Variants in ITCH observed in about 807,000 individuals in gnomAD.
ITCH encodes the protein E3 ubiquitin-protein ligase Itchy homolog.
In ITCH, 28 loss-of-function variants were observed where a neutral mutation model predicts 126.8. The ratio of observed to expected loss-of-function variants is 0.22; its 90% CI spans 0.16 to 0.30. ITCH has a LOEUF of 0.30. Among genes scored for constraint, ITCH ranks in the 10% least tolerant of loss-of-function variants. The probability of loss-of-function intolerance (pLI) is 1.00; values close to 1 mark genes in which losing one functional copy is unlikely to be tolerated. For synonymous variants in ITCH, 342 were observed against 340.0 expected (o/e 1.01, Z -0.06); for missense variants, 631 against 1,032.4 (o/e 0.61, Z 5.33).
chr20:34,382,789 G>A (rs974702683), intron 2 of ITCH, among the ~76,000 whole-genome samples: 1 of 150,854 alleles, frequency 6.6e-6, no homozygotes, highest in African/African-American at 2.4e-5. Flanking sequence ...TGTAGCTCAG[G>A]CTGGAGTGCA....
chr20:34,460,094 C>T (rs1477588826), intron 13 of ITCH, among the ~76,000 whole-genome samples: 1 of 152,186 alleles, frequency 6.6e-6, no homozygotes, highest in African/African-American at 2.4e-5. Flanking sequence ...GCCTATCTTG[C>T]AAGTATAACA....
chr20:34,402,150 A>C lies in ITCH; in HGVS notation c.71-6501A>C. On this transcript the variant is annotated intron_variant, in intron 3 of 24. Transcript: ENST00000374864. The stretch of plus-strand genomic sequence containing the variant: ...GAAAGGGCTCTGGAGAGATGTTCCT[A>C]GCAGCACACATATGCAGCTCTTCTT... 4 of 1,114,174 alleles carry C rather than the reference A, an allele frequency of 3.6e-6. No individual in the cohort carries two copies. The South Asian group carries it at 4.9e-5, about 14-fold the overall frequency. The allele number at this position is 1,114,174 out of a possible 1,614,324, so 69.0% of individuals were successfully genotyped here.
intron 20 of ITCH, among the ~76,000 whole-genome samples, chr20:34,482,061 T>C (rs1001451736): frequency 2.5e-4 from 38 of 152,104 alleles, no homozygotes; most frequent in African/African-American, 9.2e-4. Context: ...GTGAGACATA[T>C]TCACTGTCAT....
At chr20:34,375,696 A>AT (rs5841171) in intron 2 of ITCH, among the ~76,000 whole-genome samples, 2,178 of 65,520 alleles carry the variant, frequency 0.033, 382 homozygotes, top group Middle Eastern at 0.057. Flanking sequence ...GGTAGTTAAA[A>AT]TTTTTTTTTT....
chr20:34,394,458 G>T (rs1268008617), intron 3 of ITCH, among the ~76,000 whole-genome samples: 3 of 152,002 alleles, frequency 2.0e-5, no homozygotes, highest in Non-Finnish European at 2.9e-5. Flanking sequence ...TCCCCTACAG[G>T]TTACCCATTT....
intron 16 of ITCH, among the ~76,000 whole-genome samples, chr20:34,475,237 A>G (rs1988077870): frequency 1.3e-5 from 2 of 152,044 alleles, no homozygotes; most frequent in Non-Finnish European, 2.9e-5. Flanking sequence ...GATGCTCCTC[A>G]CTTCCCAGAC....
intron 1 of ITCH, among the ~76,000 whole-genome samples, chr20:34,364,780 A>G (rs113948593): frequency 2.0e-3 from 297 of 147,400 alleles, no homozygotes; most frequent in African/African-American, 5.7e-3. Context: ...AGTCCCAGCT[A>G]CTAGGGAGGC....
In ITCH at chr20:34,440,253, G is replaced by A. The variant is rs1450388697; in HGVS notation, c.778G>A (p.Ala260Thr). Residue 260 changes from alanine to threonine, a missense_variant, in exon 9 of 25, where the codon GCA becomes ACA. Ala to Thr is a moderately conservative substitution (Grantham distance 58, BLOSUM62 0). This residue lies in a region of ITCH where 390 missense variants were observed against 731.6 expected (regional missense o/e 0.53). Transcript: ENST00000374864. ...TNTNTNTSEG[A>T]TSGLIIPLTI... ...TACAAATACAAATACATCTGAAGGA[G>A]CAACATCTGGATTAATAATTCCTCT... 6.2e-7 allele frequency: 1 copy of A among 1,613,622 alleles called. No individual in the cohort carries two copies. Among genetic ancestry groups the A allele is most frequent in the Non-Finnish European group, 8.5e-7 (1 of 1,179,528 alleles).
intron 12 of ITCH, among the ~76,000 whole-genome samples, chr20:34,453,090 A>G (rs1955520471): frequency 6.6e-6 from 1 of 152,186 alleles, no homozygotes; most frequent in Non-Finnish European, 1.5e-5. Flanking sequence ...CAGTAATTTC[A>G]GTATTGTTTA....
chr20:34,385,133 G>A (rs970515766), intron 2 of ITCH, among the ~76,000 whole-genome samples: 1 of 150,194 alleles, frequency 6.7e-6, no homozygotes, highest in African/African-American at 2.5e-5. Context: ...TCCTGCCTCA[G>A]CCTACCGAGG....
intron 14 of ITCH, among the ~76,000 whole-genome samples, chr20:34,468,901 A>T (rs1012721704): frequency 6.6e-6 from 1 of 152,220 alleles, no homozygotes; most frequent in Non-Finnish European, 1.5e-5. Flanking sequence ...ACAGAAAATC[A>T]TGAAGAATCT....
At chr20:34,489,633 GTATA>G (rs1224396256) in intron 21 of ITCH, among the ~76,000 whole-genome samples, 185 bp from the exon 22 acceptor site, 4 of 152,156 alleles carry the variant, frequency 2.6e-5, no homozygotes, top group Non-Finnish European at 5.9e-5. Context: ...CCCTGAATAT[GTATA>G]TGTATGACAC....
intron 3 of ITCH, among the ~76,000 whole-genome samples, chr20:34,405,925 A>G (rs996052591): frequency 1.3e-5 from 2 of 151,654 alleles, no homozygotes; most frequent in African/African-American, 4.8e-5. Flanking sequence ...CATTTTAATC[A>G]GAGATAGCTC....
In ITCH at chr20:34,440,233, A is replaced by G; in HGVS notation, c.758A>G (p.Asn253Ser). 1 of 1,613,750 alleles carries G rather than the reference A, an allele frequency of 6.2e-7. No individual in the cohort carries two copies. Among genetic ancestry groups the G allele is most frequent in the Non-Finnish European group, 8.5e-7 (1 of 1,179,634 alleles). Residue 253 changes from asparagine (N) to serine (S), a missense_variant, in exon 9 of 25, where the codon AAT becomes AGT. Physicochemically the swap from Asn to Ser is conservative, Grantham distance 46. This residue lies in a region of ITCH where 220 missense variants were observed against 265.7 expected (regional missense o/e 0.83). Transcript: ENST00000374864. ...STGSLPPTNT[N>S]TNTSEGATSG... ...GGCTCTCTGCCGCCGACAAATACAA[A>G]TACAAATACATCTGAAGGAGCAACA...
At chr20:34,370,041 C>T (rs2037560848) in intron 2 of ITCH, among the ~76,000 whole-genome samples, 1 of 149,328 alleles carries the variant, frequency 6.7e-6, no homozygotes, top group Admixed American at 6.8e-5. Context: ...GAGGTTGAGG[C>T]TGCAGTAAGC....
intron 23 of ITCH, among the ~76,000 whole-genome samples, chr20:34,501,219 T>A (rs934832165): frequency 6.6e-6 from 1 of 152,208 alleles, no homozygotes; most frequent in Non-Finnish European, 1.5e-5. Flanking sequence ...CCACTTTTAT[T>A]AATATATATT....
chr20:34,507,666 T>C (rs1004987194), intron 24 of ITCH, 29 bp from the exon 25 acceptor site: 2 of 1,563,690 alleles, frequency 1.3e-6, no homozygotes, highest in African/African-American at 2.7e-5. Context: ...CATATTTCCT[T>C]TTCTCAAACT....
chr20:34,416,125 G>A (rs377215491), intron 6 of ITCH, among the ~76,000 whole-genome samples: 2 of 152,004 alleles, frequency 1.3e-5, no homozygotes. Context: ...CTGGCCAGGC[G>A]TGGTGGCTCA....
intron 21 of ITCH, 33 bp from the exon 22 acceptor site, chr20:34,489,789 T>G: frequency 7.0e-7 from 1 of 1,433,590 alleles, no homozygotes. Context: ...TACAGTTACC[T>G]TAGGAAACAA....
Sources: gnomAD v4.1 joint callset for allele counts (sites outside exome capture counted in the v4.1 genomes callset) on GRCh38, gnomAD v4.1.1 for gene constraint, gnomAD v4.1.1 regional missense constraint, MANE v1.5 for transcripts, NCBI Gene and HGNC (gene_info 2026-07-23, HGNC 2026-07-21) for gene names.